PTPRZ1: variants seen among roughly 807,000 people sequenced by gnomAD.
PTPRZ1 encodes the protein protein tyrosine phosphatase receptor type Z1, also known as receptor-type tyrosine-protein phosphatase zeta.
PTPRZ1 carries 82 observed loss-of-function variants against 214.1 expected under a neutral mutation model. That is an observed-to-expected ratio of 0.38 (90% CI 0.32 to 0.46). The LOEUF (loss-of-function observed/expected upper bound fraction) is 0.46, where lower values mean the gene tolerates loss of function less well. PTPRZ1 is among the 20% of genes least tolerant of loss of function. The probability of loss-of-function intolerance (pLI) is 1.00; values close to 1 mark genes in which losing one functional copy is unlikely to be tolerated. For synonymous variants in PTPRZ1, 945 were observed against 987.9 expected, an observed-to-expected ratio of 0.96 and a Z score of 0.81; for missense variants, 2,603 against 2,748.7, an observed-to-expected ratio of 0.95 and a Z score of 1.19.
chr7:121,990,512 C>CTTTTT (rs758696565), intron 8 of PTPRZ1, among the ~76,000 whole-genome samples: 6 of 73,472 alleles, frequency 8.2e-5, no homozygotes, highest in Non-Finnish European at 1.3e-4. Flanking sequence ...TGAAAACTGT[C>CTTTTT]TTTTTTTTTT....
intron 8 of PTPRZ1, among the ~76,000 whole-genome samples, chr7:121,987,341 C>T (rs1426797105): frequency 6.6e-6 from 1 of 152,170 alleles, no homozygotes; most frequent in Non-Finnish European, 1.5e-5. Context: ...TCAAACTTGC[C>T]TGCCCGTGCT....
intron 1 of PTPRZ1, among the ~76,000 whole-genome samples, chr7:121,896,953 C>T (rs1794803389): frequency 6.6e-6 from 1 of 151,972 alleles, no homozygotes; most frequent in African/African-American, 2.4e-5. Context: ...CTATTTTTCC[C>T]TCAATTGGCA....
At chr7:121,927,707 C>T (rs912348865) in intron 1 of PTPRZ1, among the ~76,000 whole-genome samples, 4 of 152,150 alleles carry the variant, frequency 2.6e-5, no homozygotes, top group Non-Finnish European at 4.4e-5. Flanking sequence ...ATTTTGAAAG[C>T]GTGATAAACT....
At chr7:122,054,793 C>A in intron 26 of PTPRZ1, 148 bp from the exon 27 acceptor site, 1 of 728,696 alleles carries the variant, frequency 1.4e-6, no homozygotes, top group Non-Finnish European at 2.1e-6. Context: ...TAGTTGAAGG[C>A]ACGAGAAAGA....
intron 3 of PTPRZ1, among the ~76,000 whole-genome samples, chr7:121,968,816 A>T (rs1797124489): frequency 1.3e-5 from 2 of 152,136 alleles, no homozygotes; most frequent in Non-Finnish European, 2.9e-5. Flanking sequence ...TAAGACAAAG[A>T]TTAGAAAAAT....
intron 2 of PTPRZ1, among the ~76,000 whole-genome samples, chr7:121,929,263 A>G (rs1299887432): frequency 3.3e-5 from 5 of 152,102 alleles, no homozygotes; most frequent in African/African-American, 1.2e-4. Context: ...TTTTATTTAT[A>G]GAGTTATGCA....
chr7:121,984,155 A>G (rs1414057205), intron 8 of PTPRZ1, 38 bp downstream of exon 8: 1 of 1,578,220 alleles, frequency 6.3e-7, no homozygotes, highest in South Asian at 1.1e-5. Flanking sequence ...ACTCTCATAG[A>G]TGCAGTGTTA....
chr7:121,964,801 A>G (rs1164497382), intron 2 of PTPRZ1, among the ~76,000 whole-genome samples: 1 of 152,332 alleles, frequency 6.6e-6, no homozygotes, highest in Middle Eastern at 3.4e-3. Context: ...AAAGCAAGTC[A>G]TTTGAGCCTT....
At chr7:121,955,190 A>C (rs1035826100) in intron 2 of PTPRZ1, among the ~76,000 whole-genome samples, 2 of 152,198 alleles carry the variant, frequency 1.3e-5, no homozygotes, top group African/African-American at 4.8e-5. Context: ...ATCTATAATA[A>C]GTATGTGGAT....
At chr7:122,038,436 C>T (rs1182000833) in intron 18 of PTPRZ1, among the ~76,000 whole-genome samples, 1 of 151,244 alleles carries the variant, frequency 6.6e-6, no homozygotes, top group Admixed American at 6.6e-5. Context: ...AGCAAGTAGA[C>T]CGCAAATGGA....
At chr7:121,970,137 T>C (rs986888280) in intron 3 of PTPRZ1, among the ~76,000 whole-genome samples, 3 of 152,100 alleles carry the variant, frequency 2.0e-5, no homozygotes, top group Non-Finnish European at 4.4e-5. Context: ...GAACTCATCA[T>C]TTTTTATGGC....
intron 8 of PTPRZ1, among the ~76,000 whole-genome samples, chr7:121,992,450 G>A (rs1054101690): frequency 7.9e-5 from 12 of 152,004 alleles, no homozygotes; most frequent in South Asian, 4.1e-4. Context: ...CCATTCCTAC[G>A]TACTAGGTGT....
At position 121,983,877 on chromosome 7, in the gene PTPRZ1, A is replaced by G. The variant is rs542537518; in HGVS notation, c.777+55A>G. On this transcript the variant is annotated intron_variant, in intron 7 of 29. Transcript: ENST00000393386. The stretch of plus-strand genomic sequence containing the variant: ...AATTCAAAGCCATTTAAAAAACATT[A>G]TGTTCTAAGTTTGCTATAAAATATC... 5.2e-5 allele frequency: 83 copies of G among 1,593,394 alleles called. No individual in the cohort carries two copies. The African/African-American group carries it at 9.7e-4, about 19-fold the overall frequency.
intron 2 of PTPRZ1, among the ~76,000 whole-genome samples, chr7:121,935,603 C>T (rs1796064074): frequency 3.9e-5 from 6 of 151,938 alleles, no homozygotes; most frequent in Admixed American, 2.0e-4. Flanking sequence ...CTCACTCAGT[C>T]GCCCAGGCTG....
chr7:121,915,339 C>G (rs1795394507), intron 1 of PTPRZ1, among the ~76,000 whole-genome samples: 1 of 152,068 alleles, frequency 6.6e-6, no homozygotes. Context: ...TACTAATGCC[C>G]CTTGCTCTGA....
rs1260634786 is a variant in PTPRZ1, at chr7:122,031,593, A to C, written c.5166+34A>C. 4.9e-6 allele frequency: 7 copies of C among 1,419,196 alleles called. No individual in the cohort carries two copies. The African/African-American group carries it at 7.2e-5, about 15-fold the overall frequency. The allele number at this position is 1,419,196 out of a possible 1,614,324, so 87.9% of individuals were successfully genotyped here. On this transcript the variant is annotated intron_variant, in intron 15 of 29. Coordinates refer to ENST00000393386, the MANE Select transcript of PTPRZ1 (RefSeq NM_002851.3). The stretch of plus-strand genomic sequence containing the variant: ...TTAATATGTCTATTTTAAATAATAT[A>C]GAAAATAGTAAAATTTAAAAGATTC...
chr7:122,020,685 A>T (rs1397221955), intron 13 of PTPRZ1, among the ~76,000 whole-genome samples: 2 of 152,180 alleles, frequency 1.3e-5, no homozygotes, highest in East Asian at 3.8e-4. Flanking sequence ...CTTTACTAGA[A>T]CAGAGTAGAC....
chr7:121,896,636 G>C (rs1392501227), intron 1 of PTPRZ1, among the ~76,000 whole-genome samples: 1 of 152,132 alleles, frequency 6.6e-6, no homozygotes, highest in Non-Finnish European at 1.5e-5. Flanking sequence ...AGCCGGGTGT[G>C]GTGGTGGGTG....
At chr7:121,887,084 T>G (rs1470674681) in intron 1 of PTPRZ1, among the ~76,000 whole-genome samples, 2 of 151,618 alleles carry the variant, frequency 1.3e-5, no homozygotes, top group Non-Finnish European at 2.9e-5. Flanking sequence ...CATTGTCCCC[T>G]TCCACAGGAA....
Sources: allele counts gnomAD v4.1 joint callset (sites outside exome capture counted in the v4.1 genomes callset), GRCh38; gene constraint gnomAD v4.1.1; transcripts MANE v1.5; gene names NCBI Gene and HGNC (gene_info 2026-07-23, HGNC 2026-07-21).